Variants in ACVR1 observed in about 807,000 individuals in gnomAD.
ACVR1 encodes activin A receptor type 1.
A neutral mutation model predicts 57.1 loss-of-function variants in ACVR1; 38 were observed. That is an observed-to-expected ratio of 0.67 (90% confidence interval 0.51 to 0.87). The LOEUF (loss-of-function observed/expected upper bound fraction) is 0.87. Among genes scored for constraint, ACVR1 ranks in the 40% least tolerant of loss-of-function variants. The probability of loss-of-function intolerance (pLI) is 0.00; values close to 1 mark genes in which losing one functional copy is unlikely to be tolerated. For synonymous variants in ACVR1, 212 were observed against 228.1 expected (o/e 0.93, Z 0.63); for missense variants, 463 against 638.2 (o/e 0.73, Z 2.96).
At chr2:157,855,905 T>G (rs1241862190) in intron 1 of ACVR1, among the ~76,000 whole-genome samples, 1 of 152,132 alleles carries the variant, frequency 6.6e-6, no homozygotes, top group Non-Finnish European at 1.5e-5. Context: ...TGACCAAACA[T>G]TAACTCATCC....
intron 1 of ACVR1, among the ~76,000 whole-genome samples, chr2:157,846,063 T>C (rs1046724415): frequency 2.0e-5 from 3 of 152,222 alleles, no homozygotes; most frequent in African/African-American, 7.2e-5. Flanking sequence ...ACTTTGCAGA[T>C]GTGATTAAAT....
chr2:157,755,196 G>T (rs1685375913), intron 9 of ACVR1, among the ~76,000 whole-genome samples: 1 of 152,038 alleles, frequency 6.6e-6, no homozygotes, highest in African/African-American at 2.4e-5. Context: ...TCTGAGAATT[G>T]TAACAGGATA....
chr2:157,737,785 T>C lies in ACVR1; in HGVS notation c.1396-120A>G, dbSNP rs1490811365. The C allele has an allele frequency of 3.0e-6, 4 of 1,313,026 alleles. No homozygotes were observed. In the Admixed American group the frequency reaches 5.1e-5, roughly 17 times the overall value. The allele number at this position is 1,313,026 out of a possible 1,614,324, so 81.3% of individuals were successfully genotyped here. On this transcript the variant is annotated intron_variant, in intron 10 of 10. Coordinates refer to ENST00000434821, the MANE Select transcript of ACVR1 (RefSeq NM_001111067.4). ...CGCAGGTCTTGTGAAATTAGAGTTA[T>C]GTTACTGTCATCTTCTTCAAGCAAA...
At chr2:157,764,465 C>T (rs554776254) in intron 8 of ACVR1, among the ~76,000 whole-genome samples, 1 of 151,522 alleles carries the variant, frequency 6.6e-6, no homozygotes, top group Non-Finnish European at 1.5e-5. Context: ...GCCTCGGCCT[C>T]CCAAAGTGCT....
intron 9 of ACVR1, among the ~76,000 whole-genome samples, chr2:157,751,170 C>A (rs1174755150): frequency 1.3e-5 from 2 of 152,328 alleles, no homozygotes; most frequent in East Asian, 1.9e-4. Context: ...TGTCCACCCC[C>A]AAACACACAC....
chr2:157,853,210 AAAC>A (rs1411418352), intron 1 of ACVR1, among the ~76,000 whole-genome samples: 1 of 152,198 alleles, frequency 6.6e-6, no homozygotes, highest in African/African-American at 2.4e-5. Context: ...TGCCATAATA[AAAC>A]ATCATAGATT....
intron 7 of ACVR1, among the ~76,000 whole-genome samples, chr2:157,769,450 C>T (rs1164536228): frequency 2.0e-5 from 3 of 152,162 alleles, no homozygotes; most frequent in Non-Finnish European, 4.4e-5. Context: ...AAATCAACTA[C>T]AGAAACTGAA....
intron 1 of ACVR1, among the ~76,000 whole-genome samples, chr2:157,851,637 G>C (rs1011220106): frequency 6.6e-6 from 1 of 152,054 alleles, no homozygotes; most frequent in Non-Finnish European, 1.5e-5. Flanking sequence ...ATTTATTATA[G>C]GCCAAAAAAC....
intron 1 of ACVR1, chr2:157,838,298 C>T (rs965496305): frequency 3.3e-5 from 5 of 152,056 alleles, no homozygotes; most frequent in South Asian, 2.1e-4. Context: ...AGGTACTTCC[C>T]GCTGCATTGC....
At chr2:157,793,255 T>C (rs755365619) in intron 3 of ACVR1, among the ~76,000 whole-genome samples, 12 of 152,178 alleles carry the variant, frequency 7.9e-5, no homozygotes, top group Non-Finnish European at 1.3e-4. Flanking sequence ...GTGTTGAATT[T>C]GTTTTCTCAT....
intron 1 of ACVR1, among the ~76,000 whole-genome samples, chr2:157,858,667 G>T (rs1368710537): frequency 6.6e-6 from 1 of 151,898 alleles, no homozygotes; most frequent in Non-Finnish European, 1.5e-5. Flanking sequence ...TATTTTTGTC[G>T]AGACGGGGTT....
At chr2:157,773,427 A>G (rs73022057) in intron 6 of ACVR1, among the ~76,000 whole-genome samples, 2,673 of 152,346 alleles carry the variant, frequency 0.018, 63 homozygotes, top group African/African-American at 0.059. Context: ...GGTTATAGTT[A>G]CACTATCATT....
chr2:157,795,951 T>C (rs922773453), intron 3 of ACVR1, among the ~76,000 whole-genome samples: 3 of 152,098 alleles, frequency 2.0e-5, no homozygotes, highest in African/African-American at 7.2e-5. Flanking sequence ...AGGCAGAGTG[T>C]GGTGGCTCAC....
intron 1 of ACVR1, among the ~76,000 whole-genome samples, chr2:157,839,752 T>C (rs778911528): frequency 4.6e-5 from 7 of 152,186 alleles, no homozygotes; most frequent in Non-Finnish European, 1.0e-4. Flanking sequence ...ATGCCAGACT[T>C]ACCCAGAAAC....
At chr2:157,747,498 A>G (rs1685017876) in intron 9 of ACVR1, among the ~76,000 whole-genome samples, 1 of 152,228 alleles carries the variant, frequency 6.6e-6, no homozygotes, top group Non-Finnish European at 1.5e-5. Context: ...ACAGCCTATT[A>G]AGCAAGATTA....
chr2:157,780,228 T>A, intron 4 of ACVR1, 109 bp downstream of exon 4: 1 of 1,508,460 alleles, frequency 6.6e-7, no homozygotes, highest in Admixed American at 1.7e-5. Context: ...CGCCTCTGAT[T>A]CAAAATGTAG....
chr2:157,849,169 A>G (rs1689218216), intron 1 of ACVR1, among the ~76,000 whole-genome samples: 1 of 152,238 alleles, frequency 6.6e-6, no homozygotes, highest in South Asian at 2.1e-4. Context: ...CTCCTTGTTC[A>G]ATGGGTTGAA....
At chr2:157,814,860 G>C (rs1179702896) in intron 2 of ACVR1, among the ~76,000 whole-genome samples, 1 of 152,188 alleles carries the variant, frequency 6.6e-6, no homozygotes, top group Non-Finnish European at 1.5e-5. Context: ...GAGGTGGGTG[G>C]ACCACCTGAG....
At chr2:157,806,296 T>C (rs558170617) in intron 2 of ACVR1, among the ~76,000 whole-genome samples, 1 of 152,130 alleles carries the variant, frequency 6.6e-6, no homozygotes, top group South Asian at 2.1e-4. Flanking sequence ...TGACCCCCAA[T>C]CATCTCCTCC....
Sources: allele counts gnomAD v4.1 joint callset (sites outside exome capture counted in the v4.1 genomes callset), GRCh38; gene constraint gnomAD v4.1.1; transcripts MANE v1.5; gene names NCBI Gene and HGNC (gene_info 2026-07-23, HGNC 2026-07-21).